Variants in THADA observed in about 807,000 individuals in gnomAD.
THADA encodes the protein THADA armadillo repeat containing.
Under a neutral mutation model 219.8 loss-of-function variants are expected in THADA, and 213 were observed. The ratio of observed to expected loss-of-function variants is 0.97; its 90% CI spans 0.87 to 1.09. The LOEUF (loss-of-function observed/expected upper bound fraction) is 1.09, where lower values mean the gene tolerates loss of function less well. THADA is among the 50% of genes least tolerant of loss of function. THADA has a pLI of 0.00. For missense variants in THADA, 2,956 were observed against 2,311.3 expected (o/e 1.28, Z -5.72); for synonymous variants, 1,018 against 828.9 (o/e 1.23, Z -3.92).
chr2:43,467,918 C>G (rs1366617044), intron 26 of THADA, among the ~76,000 whole-genome samples: 1 of 152,190 alleles, frequency 6.6e-6, no homozygotes, highest in African/African-American at 2.4e-5. Context: ...GCCTCCACAT[C>G]AAACAGACTG....
chr2:43,455,900 T>C (rs975718143), intron 26 of THADA, among the ~76,000 whole-genome samples: 2 of 152,222 alleles, frequency 1.3e-5, no homozygotes, highest in African/African-American at 2.4e-5. Flanking sequence ...CTGTTCCTTA[T>C]GGTCAAAACG....
chr2:43,536,304 A>C (rs187635503), intron 21 of THADA, among the ~76,000 whole-genome samples: 233 of 152,266 alleles, frequency 1.5e-3, no homozygotes, highest in African/African-American at 5.3e-3. Flanking sequence ...CCACTGGTCT[A>C]TGTGTCTGTT....
chr2:43,236,222 C>A (rs978049579), intron 36 of THADA, among the ~76,000 whole-genome samples: 1 of 152,168 alleles, frequency 6.6e-6, no homozygotes, highest in Non-Finnish European at 1.5e-5. Flanking sequence ...CTAGATAGAA[C>A]TCTTAACTAC....
chr2:43,242,197 G>A (rs1358567819), intron 36 of THADA, among the ~76,000 whole-genome samples: 1 of 152,192 alleles, frequency 6.6e-6, no homozygotes, highest in Non-Finnish European at 1.5e-5. Context: ...CCTTTCCCAG[G>A]ACTGTCTATA....
At chr2:43,239,718 G>A (rs1668419281) in intron 36 of THADA, among the ~76,000 whole-genome samples, 1 of 152,228 alleles carries the variant, frequency 6.6e-6, no homozygotes, top group South Asian at 2.1e-4. Flanking sequence ...AGTAAATGCT[G>A]TGCAAATGGC....
Position 43,552,296 on chromosome 2 carries a change from C to A in THADA, c.2718G>T (p.Gln906His), listed in dbSNP as rs768467150. Reference protein sequence around the residue: ...LMENLEEEVSQAENSLLQAAA... With the variant: ...LMENLEEEVSHAENSLLQAAA... ...CTGCCTGAAGCAGAGAATTTTCAGC[C>A]TGAGATACTTCTTCCTCAAGATTTT... Residue 906 changes from glutamine to histidine, a missense_variant, in exon 18 of 38, where the codon CAG (glutamine) becomes CAT (histidine). Physicochemically the swap from Gln to His is conservative, Grantham distance 24 (BLOSUM62 0). Transcript: ENST00000405975. 1.2e-6 allele frequency: 2 copies of A among 1,608,032 alleles called. No individual in the cohort carries two copies. The highest frequency in any genetic ancestry group is 2.7e-5 in the African/African-American group (2 of 74,610).
intron 22 of THADA, among the ~76,000 whole-genome samples, chr2:43,514,585 TTATATA>T: frequency 1.7e-5 from 2 of 117,258 alleles, no homozygotes; most frequent in African/African-American, 6.9e-5. Flanking sequence ...TATGTATATT[TTATATA>T]TGTATATTTT....
At chr2:43,322,529 A>G (rs1678843266) in intron 30 of THADA, among the ~76,000 whole-genome samples, 1 of 146,348 alleles carries the variant, frequency 6.8e-6, no homozygotes, top group Non-Finnish European at 1.5e-5. Flanking sequence ...AATAGGTAAC[A>G]CATGCAAAAA....
rs193297469 is a variant in THADA, at chr2:43,358,456, G to C, written c.4228-14219C>G. 5.1e-4 allele frequency among the ~76,000 whole-genome samples: 77 copies of C among 152,238 alleles called. No homozygotes were observed. The South Asian group carries it at 0.013, about 26-fold the overall frequency. On this transcript the variant is annotated intron_variant, in intron 29 of 37. Coordinates refer to ENST00000405975, the MANE Select transcript of THADA (RefSeq NM_022065.5). ...AGCAGGTCAGAGGAGAAACCCACTG[G>C]GGGCAGAGAAGGCTGTTCATGGGGG...
At chr2:43,519,543 G>T (rs1692145407) in intron 22 of THADA, among the ~76,000 whole-genome samples, 1 of 152,112 alleles carries the variant, frequency 6.6e-6, no homozygotes, top group Non-Finnish European at 1.5e-5. Flanking sequence ...ACAATCCTTA[G>T]TCCCTTATTC....
chr2:43,307,680 G>T (rs1677021287), intron 31 of THADA, among the ~76,000 whole-genome samples: 4 of 152,194 alleles, frequency 2.6e-5, no homozygotes, highest in Admixed American at 2.6e-4. Context: ...AGTCTTGGAA[G>T]AATCCAACCA....
intron 7 of THADA, among the ~76,000 whole-genome samples, chr2:43,585,346 C>CA (rs34682195): frequency 0.014 from 1,293 of 95,258 alleles, 13 homozygotes; most frequent in Non-Finnish European, 0.02. Context: ...CTCATTCCTA[C>CA]AAAAAAAAAA....
chr2:43,364,351 G>A (rs1001859791), intron 29 of THADA, among the ~76,000 whole-genome samples: 1 of 152,202 alleles, frequency 6.6e-6, no homozygotes, highest in Non-Finnish European at 1.5e-5. Context: ...ACTCTAAAAC[G>A]ATTTTTCAAC....
At chr2:43,589,625 T>A (rs950546071) in intron 4 of THADA, among the ~76,000 whole-genome samples, 15 of 152,170 alleles carry the variant, frequency 9.9e-5, no homozygotes, top group African/African-American at 2.7e-4. Flanking sequence ...AAGTGGAAGC[T>A]TATCTATGAG....
chr2:43,256,612 A>ACT (rs5830756), intron 36 of THADA, among the ~76,000 whole-genome samples: 2,929 of 146,928 alleles, frequency 0.02, 101 homozygotes, highest in African/African-American at 0.07. Context: ...TAAATAAATA[A>ACT]TTTTTTTTTT....
chr2:43,295,143 T>C (rs1675213831), intron 31 of THADA, among the ~76,000 whole-genome samples: 1 of 152,188 alleles, frequency 6.6e-6, no homozygotes, highest in African/African-American at 2.4e-5. Flanking sequence ...GCCCAGGAGG[T>C]TGAGGATGCA....
chr2:43,333,599 C>A (rs1666047609), intron 30 of THADA, among the ~76,000 whole-genome samples: 1 of 151,988 alleles, frequency 6.6e-6, no homozygotes, highest in Non-Finnish European at 1.5e-5. Flanking sequence ...CAAAACATAA[C>A]CCCTAGCAAT....
At chr2:43,268,716 C>T (rs544967080) in intron 36 of THADA, among the ~76,000 whole-genome samples, 4 of 152,326 alleles carry the variant, frequency 2.6e-5, no homozygotes, top group Admixed American at 6.5e-5. Context: ...CTGGGCCCCA[C>T]CCCTGCCCTG....
In THADA at chr2:43,394,714, C is replaced by A. The variant is rs370431906; in HGVS notation, c.4227+3257G>T. On this transcript the variant is annotated intron_variant, in intron 29 of 37. Transcript: ENST00000405975. The stretch of plus-strand genomic sequence containing the variant: ...AACCACAGGATGGACAGAACTAGGA[C>A]AACACAGGTGTGACACCCAAATGGA... 9.2e-5 allele frequency among the ~76,000 whole-genome samples: 14 copies of A among 152,322 alleles called. No homozygotes were observed. In the South Asian group the frequency reaches 2.9e-3, roughly 32 times the overall value.
Sources: allele counts gnomAD v4.1 joint callset (sites outside exome capture counted in the v4.1 genomes callset), GRCh38; gene constraint gnomAD v4.1.1; transcripts MANE v1.5; gene names NCBI Gene and HGNC (gene_info 2026-07-23, HGNC 2026-07-21).